The following KIF21A variants were observed in gnomAD, a reference collection of about 807,000 sequenced individuals.
The protein encoded by KIF21A is kinesin-like protein KIF21A.
In KIF21A, 114 loss-of-function variants were observed where a neutral mutation model predicts 202.9. That is an observed-to-expected ratio of 0.56 (90% CI 0.48 to 0.66). KIF21A has a LOEUF of 0.66. Among genes scored for constraint, KIF21A ranks in the 30% least tolerant of loss-of-function variants. KIF21A has a pLI of 0.00. For synonymous variants in KIF21A, 667 were observed against 670.8 expected, an observed-to-expected ratio of 0.99 and a Z score of 0.09; for missense variants, 1,677 against 1,994.9, an observed-to-expected ratio of 0.84 and a Z score of 3.04.
At chr12:39,321,078 T>G (rs1945193398) in intron 27 of KIF21A, among the ~76,000 whole-genome samples, 1 of 152,074 alleles carries the variant, frequency 6.6e-6, no homozygotes, top group Non-Finnish European at 1.5e-5. Flanking sequence ...TGATTTTTTC[T>G]AATCAGGAAA....
rs1020638332 is a variant in KIF21A, at chr12:39,294,539, A to G, written c.4932-22T>C. The G allele has an allele frequency of 6.5e-6, 10 of 1,539,550 alleles. No individual in the cohort carries two copies. In the Admixed American group the frequency reaches 1.0e-4, roughly 15 times the overall value. On this transcript the variant is annotated intron_variant, in intron 37 of 37. Transcript: ENST00000361418. ...ATCACTACAAAAAAATAAACAAAAC[A>G]TGGATATATGAACAAGGGCAGAAAG...
chr12:39,416,202 G>A (rs764168690), intron 1 of KIF21A, among the ~76,000 whole-genome samples: 1 of 152,092 alleles, frequency 6.6e-6, no homozygotes, highest in Non-Finnish European at 1.5e-5. Flanking sequence ...CCTGGCCCTA[G>A]TCACTGCCCT....
At chr12:39,346,419 A>G in intron 12 of KIF21A, 47 bp downstream of exon 12, 1 of 1,344,048 alleles carries the variant, frequency 7.4e-7, no homozygotes, top group African/African-American at 1.5e-5. Context: ...AATGGCAACT[A>G]AGTATTTAAA....
At chr12:39,326,149 C>T (rs1592158719) in intron 25 of KIF21A, 115 bp downstream of exon 25, 3 of 829,296 alleles carry the variant, frequency 3.6e-6, no homozygotes, top group East Asian at 5.3e-5. Flanking sequence ...AAGTGCTATT[C>T]ACTAGGCCAT....
At chr12:39,338,733 T>C (rs1029377294) in intron 16 of KIF21A, among the ~76,000 whole-genome samples, 1 of 152,212 alleles carries the variant, frequency 6.6e-6, no homozygotes, top group Non-Finnish European at 1.5e-5. Flanking sequence ...GTTATGTTTA[T>C]GCTATACAGT....
chr12:39,350,567 C>G (rs7964447), intron 11 of KIF21A, among the ~76,000 whole-genome samples: 50,766 of 151,730 alleles, frequency 0.33, 10,659 homozygotes, highest in African/African-American at 0.6. Context: ...GGTAACACTA[C>G]TTTCGATAAT....
rs1948858649 is a variant in KIF21A at position 39,357,447 on chromosome 12, G to T, written c.1216-10C>A. On this transcript the variant is annotated splice_polypyrimidine_tract_variant and intron_variant, in intron 8 of 37. Coordinates refer to ENST00000361418, the MANE Select transcript of KIF21A (RefSeq NM_001173464.2). Reference sequence around the variant, plus strand: ...CAATTATTCTTTTACCCTAGTAAAGGAAAATAATGTCCTTGTTGGTTGAGG... The same window carrying T: ...CAATTATTCTTTTACCCTAGTAAAGTAAAATAATGTCCTTGTTGGTTGAGG... 1.9e-6 allele frequency: 3 copies of T among 1,609,750 alleles called. No individual in the cohort carries two copies. Among genetic ancestry groups the T allele is most frequent in the Non-Finnish European group, 2.6e-6 (3 of 1,176,406 alleles).
intron 1 of KIF21A, among the ~76,000 whole-genome samples, chr12:39,400,178 T>C (rs575442562): frequency 6.6e-6 from 1 of 152,344 alleles, no homozygotes; most frequent in East Asian, 1.9e-4. Context: ...TCTTTACTTA[T>C]GGTTGAAAGT....
chr12:39,358,154 G>A (rs1256938043), intron 8 of KIF21A, 24 bp downstream of exon 8: 3 of 1,604,968 alleles, frequency 1.9e-6, no homozygotes, highest in East Asian at 2.2e-5. Context: ...ATCACAAAAT[G>A]CAAAGTCAAA....
chr12:39,311,393 T>G (rs1944016750), intron 32 of KIF21A, 24 bp downstream of exon 32: 1 of 1,604,596 alleles, frequency 6.2e-7, no homozygotes, highest in Non-Finnish European at 8.5e-7. Context: ...CTATTAAATA[T>G]CTGCATTAGA....
intron 1 of KIF21A, among the ~76,000 whole-genome samples, chr12:39,375,603 C>T (rs898945875): frequency 6.6e-6 from 1 of 152,012 alleles, no homozygotes; most frequent in Non-Finnish European, 1.5e-5. Context: ...CAGCACTGCC[C>T]CCGATGGATT....
At chr12:39,326,159 T>C in intron 25 of KIF21A, 105 bp downstream of exon 25, 1 of 900,614 alleles carries the variant, frequency 1.1e-6, no homozygotes, top group Non-Finnish European at 1.8e-6. Context: ...CACTAGGCCA[T>C]TAGATTGAAA....
chr12:39,296,724 A>G (rs1316177217), intron 37 of KIF21A, among the ~76,000 whole-genome samples: 3 of 152,226 alleles, frequency 2.0e-5, no homozygotes, highest in Admixed American at 6.5e-5. Flanking sequence ...GGAATGTTCA[A>G]GGACCAGCAA....
At chr12:39,338,727 T>C (rs975037803) in intron 16 of KIF21A, among the ~76,000 whole-genome samples, 2 of 152,216 alleles carry the variant, frequency 1.3e-5, no homozygotes, top group Admixed American at 6.5e-5. Context: ...TATAAAGTTA[T>C]GTTTATGCTA....
chr12:39,432,049 C>CT lies in KIF21A; in HGVS notation c.44+10877dup, dbSNP rs568952859. ...CACTTTAGGACAGGACAGGTGAAGA[C>CT]TAACAGACCAACACGCTACTCAAAG... On this transcript the variant is annotated intron_variant, in intron 1 of 37. Transcript: ENST00000361418. 1.1e-4 allele frequency among the ~76,000 whole-genome samples: 17 copies of CT among 152,308 alleles called. No homozygotes were observed. In the South Asian group the frequency reaches 3.5e-3, roughly 32 times the overall value.
chr12:39,334,217 A>AAAAG (rs1320601979), intron 17 of KIF21A, among the ~76,000 whole-genome samples: 41 of 149,944 alleles, frequency 2.7e-4, no homozygotes, highest in East Asian at 7.8e-4. Flanking sequence ...AAAAAAAAAA[A>AAAAG]AAAGAAAGAA....
chr12:39,408,413 G>T (rs943784604), intron 1 of KIF21A, among the ~76,000 whole-genome samples: 1 of 152,062 alleles, frequency 6.6e-6, no homozygotes, highest in Non-Finnish European at 1.5e-5. Context: ...CTGTGTGCCT[G>T]GTTCCTAGCA....
chr12:39,364,900 A>G (rs1248910506), intron 6 of KIF21A, among the ~76,000 whole-genome samples: 2 of 152,228 alleles, frequency 1.3e-5, no homozygotes, highest in African/African-American at 4.8e-5. Context: ...CAAGATTATT[A>G]GAAATTATGA....
chr12:39,343,196 T>C (rs1178723769), intron 12 of KIF21A, among the ~76,000 whole-genome samples: 1 of 152,026 alleles, frequency 6.6e-6, no homozygotes, highest in Non-Finnish European at 1.5e-5. Context: ...ACCCCGTCTC[T>C]ACTAAAAATA....
Sources: gnomAD v4.1 joint callset for allele counts (sites outside exome capture counted in the v4.1 genomes callset) on GRCh38, gnomAD v4.1.1 for gene constraint, MANE v1.5 for transcripts, NCBI Gene and HGNC (gene_info 2026-07-23, HGNC 2026-07-21) for gene names.